Variants in EFCAB6 observed in about 807,000 individuals in gnomAD.
EFCAB6 encodes EF-hand calcium-binding domain-containing protein 6.
Under a neutral mutation model 169.8 loss-of-function variants are expected in EFCAB6, and 156 were observed. The ratio of observed to expected loss-of-function variants is 0.92; its 90% CI spans 0.81 to 1.05. EFCAB6 has a LOEUF of 1.05. Ranked by LOEUF, EFCAB6 falls within the 50% of genes least tolerant of loss-of-function variation. The pLI, the probability that EFCAB6 is intolerant of heterozygous loss-of-function variation, is 0.00. For synonymous variants in EFCAB6, 698 were observed against 676.4 expected (o/e 1.03, Z -0.50); for missense variants, 1,800 against 1,829.1 (o/e 0.98, Z 0.29).
At chr22:43,542,485 C>T (rs1033936745) in intron 27 of EFCAB6, among the ~76,000 whole-genome samples, 5 of 152,146 alleles carry the variant, frequency 3.3e-5, no homozygotes, top group Admixed American at 1.3e-4. Context: ...GAGGCTGAGA[C>T]GAGAGAATCG....
At chr22:43,804,440 C>T (rs984457012) in intron 2 of EFCAB6, among the ~76,000 whole-genome samples, 15 of 151,920 alleles carry the variant, frequency 9.9e-5, no homozygotes, top group African/African-American at 2.9e-4. Context: ...CAAAGCAAAC[C>T]CAAAAGTAGT....
chr22:43,766,521 T>C (rs957945252), intron 4 of EFCAB6, among the ~76,000 whole-genome samples: 3 of 152,160 alleles, frequency 2.0e-5, no homozygotes, highest in Non-Finnish European at 4.4e-5. Flanking sequence ...ACTTTTCTTA[T>C]TCTTGCAACT....
rs768890444 is a variant in EFCAB6 at position 43,626,431 on chromosome 22, C to T, written c.2465+16G>A. On this transcript the variant is annotated intron_variant, in intron 20 of 31. Transcript: ENST00000262726. Reference sequence around the variant, plus strand: ...CCGGCATATATTAAAGACACAGACCCGTGCTGCCTTCTTACCTAATGAGTC... The same window carrying T: ...CCGGCATATATTAAAGACACAGACCTGTGCTGCCTTCTTACCTAATGAGTC... 7 of 1,611,670 alleles carry T rather than the reference C, an allele frequency of 4.3e-6. No individual in the cohort carries two copies. Among genetic ancestry groups the T allele is most frequent in the Admixed American group, 3.3e-5 (2 of 59,896 alleles).
intron 2 of EFCAB6, among the ~76,000 whole-genome samples, chr22:43,806,292 C>G (rs1300465230): frequency 6.6e-6 from 1 of 150,650 alleles, no homozygotes; most frequent in Non-Finnish European, 1.5e-5. Context: ...GAGGAGGTCT[C>G]ACGCTGGAAT....
At chr22:43,646,900 T>C (rs2056191625) in intron 17 of EFCAB6, among the ~76,000 whole-genome samples, 1 of 152,220 alleles carries the variant, frequency 6.6e-6, no homozygotes, top group African/African-American at 2.4e-5. Context: ...GGAAATGTAA[T>C]ATGGCAATAT....
intron 23 of EFCAB6, among the ~76,000 whole-genome samples, chr22:43,599,745 T>C (rs987347618): frequency 6.6e-6 from 1 of 152,304 alleles, no homozygotes; most frequent in South Asian, 2.1e-4. Flanking sequence ...GACATCCCTA[T>C]TGAGCCTGCA....
chr22:43,742,090 C>T (rs2147751766), intron 6 of EFCAB6, among the ~76,000 whole-genome samples: 1 of 152,304 alleles, frequency 6.6e-6, no homozygotes, highest in Middle Eastern at 3.4e-3. Context: ...CCTAGTATCA[C>T]CTGAGTCATT....
At chr22:43,752,473 C>T (rs1390450138) in intron 6 of EFCAB6, among the ~76,000 whole-genome samples, 1 of 152,184 alleles carries the variant, frequency 6.6e-6, no homozygotes. Context: ...CAGACATCCG[C>T]CCTTCTTGGG....
intron 19 of EFCAB6, among the ~76,000 whole-genome samples, chr22:43,631,393 C>T (rs1386123055): frequency 6.6e-6 from 1 of 151,964 alleles, no homozygotes; most frequent in African/African-American, 2.4e-5. Context: ...ACAACTTGCA[C>T]GCGCCACGCA....
Position 43,784,672 on chromosome 22 carries a change from TATATACAC to T in EFCAB6, c.-7-2355_-7-2348del, listed in dbSNP as rs1387994515. The stretch of plus-strand genomic sequence containing the variant: ...ATATATGTGTATATATACATATACA[TATATACAC>T]ACACACACACACACACACACACACA... On this transcript the variant is annotated intron_variant, in intron 2 of 31. Coordinates refer to ENST00000262726, the MANE Select transcript of EFCAB6 (RefSeq NM_022785.4). Among the ~76,000 whole-genome samples, 12 of 42,930 alleles carry T rather than the reference TATATACAC, an allele frequency of 2.8e-4. No individual in the cohort carries two copies. The East Asian group carries it at 7.4e-3, about 26-fold the overall frequency. The allele number at this position is 42,930 out of a possible 152,430, so 28.2% of individuals were successfully genotyped here. A position where few individuals can be genotyped will look rare whatever the true frequency, so the allele number is the denominator to read the frequency against.
chr22:43,651,085 A>G lies in EFCAB6; in HGVS notation c.1984-15869T>C, dbSNP rs143397775. Among the ~76,000 whole-genome samples the G allele has an allele frequency of 1.0e-3, 153 of 152,374 alleles. 4 individuals carry two copies. Among genetic ancestry groups the G allele is most frequent in the African/African-American group, 3.6e-3 (151 of 41,586 alleles). On this transcript the variant is annotated intron_variant, in intron 17 of 31. Coordinates refer to ENST00000262726, the MANE Select transcript of EFCAB6 (RefSeq NM_022785.4). ...GCTGGTGGCAGAAATGTGCATAAGT[A>G]ACGAGGAGGAGAATATTAATCCCCA... is the stretch of plus-strand genomic sequence containing the variant.
intron 9 of EFCAB6, among the ~76,000 whole-genome samples, chr22:43,715,507 G>C (rs2059301927): frequency 6.6e-6 from 1 of 151,996 alleles, no homozygotes; most frequent in Admixed American, 6.6e-5. Context: ...TTTTCTTCTG[G>C]GAAATTCAAG....
chr22:43,735,801 T>C (rs2060114966), intron 7 of EFCAB6, 56 bp downstream of exon 7: 1 of 1,595,348 alleles, frequency 6.3e-7, no homozygotes, highest in Non-Finnish European at 8.5e-7. Flanking sequence ...GGTCTCATTC[T>C]GAAATTGGTT....
At chr22:43,718,397 C>T (rs1208733046) in intron 8 of EFCAB6, among the ~76,000 whole-genome samples, 1 of 152,052 alleles carries the variant, frequency 6.6e-6, no homozygotes, top group Admixed American at 6.6e-5. Context: ...TGCCAGTCAT[C>T]TGGAATTCTA....
chr22:43,769,147 T>A (rs571675353), intron 4 of EFCAB6, among the ~76,000 whole-genome samples: 1 of 152,160 alleles, frequency 6.6e-6, no homozygotes. Context: ...ATCCATACAA[T>A]GGACTATTAC....
intron 21 of EFCAB6, among the ~76,000 whole-genome samples, chr22:43,614,390 T>A (rs544884995): frequency 6.6e-6 from 1 of 152,232 alleles, no homozygotes; most frequent in African/African-American, 2.4e-5. Context: ...GACAGTCTTT[T>A]CAATAAATGG....
intron 11 of EFCAB6, among the ~76,000 whole-genome samples, chr22:43,685,329 T>C (rs1337665156): frequency 2.0e-5 from 3 of 151,154 alleles, no homozygotes; most frequent in African/African-American, 4.9e-5. Flanking sequence ...TGTGGGTCTG[T>C]GGGGGCAGGA....
At chr22:43,761,105 C>G (rs577305670) in intron 5 of EFCAB6, among the ~76,000 whole-genome samples, 4 of 152,324 alleles carry the variant, frequency 2.6e-5, no homozygotes, top group African/African-American at 9.6e-5. Flanking sequence ...TATAAAAGGG[C>G]TTATAGGAGG....
intron 2 of EFCAB6, among the ~76,000 whole-genome samples, chr22:43,799,768 T>C (rs755880511): frequency 3.2e-4 from 48 of 152,174 alleles, no homozygotes; most frequent in Non-Finnish European, 8.8e-5. Context: ...AACTCTCATA[T>C]GAAGACGAAA....
Sources: allele counts gnomAD v4.1 joint callset (sites outside exome capture counted in the v4.1 genomes callset), GRCh38; gene constraint gnomAD v4.1.1; transcripts MANE v1.5; gene names NCBI Gene and HGNC (gene_info 2026-07-23, HGNC 2026-07-21).